Variants in SAMD12 observed in about 807,000 individuals in gnomAD.
The protein encoded by SAMD12 is sterile alpha motif domain-containing protein 12.
In SAMD12, 9 loss-of-function variants were observed where a neutral mutation model predicts 15.0. The ratio of observed to expected loss-of-function variants is 0.60; its 90% CI spans 0.36 to 1.05. The LOEUF is 1.05. Among genes scored for constraint, SAMD12 ranks in the 50% least tolerant of loss-of-function variants. The probability of loss-of-function intolerance (pLI) is 0.01; values close to 1 mark genes in which losing one functional copy is unlikely to be tolerated. For missense variants in SAMD12, 230 were observed against 234.2 expected (o/e 0.98, Z 0.12); for synonymous variants, 86 against 90.1 (o/e 0.96, Z 0.25).
chr8:118,141,745 A>G, the SAMD12 span, among the ~76,000 whole-genome samples: 1 of 152,222 alleles, frequency 6.6e-6, no homozygotes, highest in South Asian at 2.1e-4. Flanking sequence ...TATTTAATTT[A>G]CCTTTTGCTG....
chr8:118,223,877 A>T (rs1812132513), intron 4 of SAMD12, among the ~76,000 whole-genome samples: 1 of 152,170 alleles, frequency 6.6e-6, no homozygotes, highest in South Asian at 2.1e-4. Context: ...TCTTTAGTGA[A>T]TCACCAGGTG....
chr8:118,484,129 AC>A (rs1433248103), intron 2 of SAMD12, among the ~76,000 whole-genome samples: 1 of 152,214 alleles, frequency 6.6e-6, no homozygotes, highest in Non-Finnish European at 1.5e-5. Context: ...TGATAAGGGA[AC>A]ATGGGAGCAG....
chr8:118,223,375 T>G (rs1812122069), intron 4 of SAMD12, among the ~76,000 whole-genome samples: 1 of 152,186 alleles, frequency 6.6e-6, no homozygotes, highest in South Asian at 2.1e-4. Flanking sequence ...TCCTGTAGCA[T>G]CTGGGTTTTC....
chr8:118,537,392 T>A (rs11987118), intron 2 of SAMD12, among the ~76,000 whole-genome samples: 2 of 152,202 alleles, frequency 1.3e-5, no homozygotes, highest in African/African-American at 4.8e-5. Context: ...TATCTTCTCT[T>A]TAGGGCAATA....
At chr8:118,165,624 A>G in the SAMD12 span, among the ~76,000 whole-genome samples, 40 of 144,096 alleles carry the variant, frequency 2.8e-4, no homozygotes, top group South Asian at 2.2e-3. Flanking sequence ...GTATATATAT[A>G]TATATATATA....
intron 4 of SAMD12, among the ~76,000 whole-genome samples, chr8:118,279,350 C>T (rs1053430167): frequency 6.6e-5 from 10 of 151,946 alleles, no homozygotes; most frequent in African/African-American, 2.4e-4. Flanking sequence ...ATTGAATACA[C>T]ATGAAAAAAA....
intron 4 of SAMD12, among the ~76,000 whole-genome samples, chr8:118,364,691 A>C (rs571667781): frequency 5.3e-5 from 8 of 152,278 alleles, no homozygotes; most frequent in Admixed American, 2.0e-4. Flanking sequence ...AGGTCTGGGA[A>C]TCTCCATTTG....
intron 3 of SAMD12, among the ~76,000 whole-genome samples, chr8:118,425,565 A>C (rs553426296): frequency 6.6e-6 from 1 of 152,194 alleles, no homozygotes; most frequent in Non-Finnish European, 1.5e-5. Flanking sequence ...TTTTTAAAAC[A>C]GGGACAACAG....
intron 3 of SAMD12, among the ~76,000 whole-genome samples, chr8:118,432,659 C>T (rs961075040): frequency 1.3e-5 from 2 of 152,132 alleles, no homozygotes; most frequent in Non-Finnish European, 2.9e-5. Flanking sequence ...ATGAAGAGAA[C>T]TAAGGAGGGC....
chr8:118,468,118 TA>T (rs1823649645), intron 2 of SAMD12, among the ~76,000 whole-genome samples: 1 of 152,122 alleles, frequency 6.6e-6, no homozygotes, highest in African/African-American at 2.4e-5. Flanking sequence ...CAGTGAACTG[TA>T]ACACACAGCA....
intron 4 of SAMD12, among the ~76,000 whole-genome samples, chr8:118,300,775 T>C (rs1814979102): frequency 6.6e-6 from 1 of 152,210 alleles, no homozygotes; most frequent in Admixed American, 6.6e-5. Context: ...ATCTTTTTTG[T>C]TAATTCTTAA....
intron 4 of SAMD12, among the ~76,000 whole-genome samples, chr8:118,277,773 C>G (rs765045847): frequency 3.3e-5 from 5 of 152,114 alleles, no homozygotes; most frequent in Non-Finnish European, 7.4e-5. Context: ...GGATGAGGTA[C>G]CTGAGACTAC....
chr8:118,280,575 G>A (rs181368398), intron 4 of SAMD12, among the ~76,000 whole-genome samples: 49 of 152,242 alleles, frequency 3.2e-4, no homozygotes, highest in Non-Finnish European at 2.9e-5. Flanking sequence ...CCAGAGCCAT[G>A]ACTCTGGACT....
At chr8:118,488,158 G>A (rs954047489) in intron 2 of SAMD12, among the ~76,000 whole-genome samples, 1 of 151,432 alleles carries the variant, frequency 6.6e-6, no homozygotes, top group Admixed American at 6.6e-5. Flanking sequence ...CCCCAAACAC[G>A]TTTTGTTCTT....
At chr8:118,619,313 T>TA in intron 1 of SAMD12, among the ~76,000 whole-genome samples, 1 of 151,870 alleles carries the variant, frequency 6.6e-6, no homozygotes, top group Non-Finnish European at 1.5e-5. Flanking sequence ...CCGTCTCTAC[T>TA]AAAAATACCA....
At position 118,580,856 on chromosome 8, in the gene SAMD12, G is replaced by A; in HGVS notation, c.51C>T (p.His17=). 6.2e-7 allele frequency: 1 copy of A among 1,613,048 alleles called. No individual in the cohort carries two copies. The change falls in exon 2 of 4, where the codon CAC becomes CAT. Residue 17 remains histidine (H), a synonymous_variant. Coordinates refer to ENST00000314727, the MANE Select transcript of SAMD12 (RefSeq NM_207506.3). ...GTTTAATACCTTCAGCATGGGCAGG[G>A]TGATCAATACCCCGTGGATTCAAAC... ...HCGLNPRGID[H]PAHAEGIKLQ... is the part of the protein sequence containing the mutation.
chr8:118,451,659 A>G (rs1823087825), intron 2 of SAMD12, among the ~76,000 whole-genome samples: 1 of 152,222 alleles, frequency 6.6e-6, no homozygotes, highest in Non-Finnish European at 1.5e-5. Flanking sequence ...CACTGTGTTA[A>G]AAACAGAAGC....
rs570228074 is a variant in SAMD12 at position 118,447,604 on chromosome 8, T to A, written c.193-7643A>T. On this transcript the variant is annotated intron_variant, in intron 2 of 3. Coordinates refer to ENST00000314727, the MANE Select transcript of SAMD12 (RefSeq NM_207506.3). ...AGGCGTGAGCCACCGTGTCCAGCCTTCAATTGAAATCTTTAAAATGACTTA... is the reference window on the plus strand; with the variant it reads ...AGGCGTGAGCCACCGTGTCCAGCCTACAATTGAAATCTTTAAAATGACTTA... Among the ~76,000 whole-genome samples the A allele has an allele frequency of 1.1e-4, 17 of 148,770 alleles. No homozygotes were observed. The South Asian group carries it at 3.6e-3, about 32-fold the overall frequency.
At chr8:118,492,350 T>C (rs182813647) in intron 2 of SAMD12, among the ~76,000 whole-genome samples, 41 of 152,314 alleles carry the variant, frequency 2.7e-4, no homozygotes, top group African/African-American at 9.9e-4. Flanking sequence ...GACTTATTTA[T>C]ATATGCTGAA....
Sources: allele counts gnomAD v4.1 joint callset (sites outside exome capture counted in the v4.1 genomes callset), GRCh38; gene constraint gnomAD v4.1.1; transcripts MANE v1.5; gene names NCBI Gene and HGNC (gene_info 2026-07-23, HGNC 2026-07-21).